Variants in FSHR observed in about 807,000 individuals in gnomAD.
The protein encoded by FSHR is follicle-stimulating hormone receptor.
In FSHR, 46 loss-of-function variants were observed where a neutral mutation model predicts 52.1. The ratio of observed to expected loss-of-function variants is 0.88; its 90% CI spans 0.70 to 1.13. The LOEUF (loss-of-function observed/expected upper bound fraction) is 1.13. Ranked by LOEUF, FSHR falls within the 50% of genes most tolerant of loss-of-function variation. FSHR has a pLI of 0.00. For synonymous variants in FSHR, 399 were observed against 309.6 expected (o/e 1.29, Z -3.03); for missense variants, 964 against 834.6 (o/e 1.16, Z -1.91).
intron 4 of FSHR, among the ~76,000 whole-genome samples, chr2:49,002,154 G>A (rs1053207302): frequency 1.3e-5 from 2 of 152,112 alleles, no homozygotes; most frequent in African/African-American, 4.8e-5. Context: ...TGTAAGACTA[G>A]TTAATTAATA....
intron 1 of FSHR, among the ~76,000 whole-genome samples, chr2:49,122,412 T>C (rs956696948): frequency 6.6e-6 from 1 of 152,206 alleles, no homozygotes. Flanking sequence ...GCTTCCATGG[T>C]TACTACAGTC....
At chr2:49,025,020 C>A (rs1364767517) in intron 2 of FSHR, among the ~76,000 whole-genome samples, 1 of 152,154 alleles carries the variant, frequency 6.6e-6, no homozygotes, top group Non-Finnish European at 1.5e-5. Context: ...TGCTCCCAGT[C>A]AAATGTTTGC....
At chr2:49,004,359 C>G (rs1224762121) in intron 4 of FSHR, among the ~76,000 whole-genome samples, 1 of 152,192 alleles carries the variant, frequency 6.6e-6, no homozygotes, top group Non-Finnish European at 1.5e-5. Context: ...TCTGCAAGAT[C>G]TCAGCATTTG....
intron 2 of FSHR, among the ~76,000 whole-genome samples, chr2:49,055,152 T>A (rs190943288): frequency 3.3e-5 from 5 of 151,884 alleles, no homozygotes; most frequent in Admixed American, 6.6e-5. Flanking sequence ...AAACAACTCA[T>A]AACTTGAGTG....
chr2:49,015,050 T>C lies in FSHR; in HGVS notation c.374+2439A>G. On this transcript the variant is annotated intron_variant, in intron 4 of 9. Transcript: ENST00000406846. The stretch of plus-strand genomic sequence containing the variant: ...TATATTTCTATAGTTCTTTATAGTT[T>C]TTATATAAAAACAATTTGCAAAGTG... The C allele has an allele frequency of 9.6e-6, 3 of 311,936 alleles. No homozygotes were observed. The East Asian group carries it at 2.8e-4, about 29-fold the overall frequency. 19.3% of individuals were successfully genotyped at this position (311,936 alleles called of 1,614,324 possible). A position where few individuals can be genotyped will look rare whatever the true frequency, so the allele number is the denominator to read the frequency against.
At chr2:49,062,309 TG>T (rs1669341368) in intron 2 of FSHR, among the ~76,000 whole-genome samples, 1 of 152,092 alleles carries the variant, frequency 6.6e-6, no homozygotes, top group Non-Finnish European at 1.5e-5. Flanking sequence ...GAACGTTCAT[TG>T]GGGAAAGGAA....
At chr2:49,135,633 G>T (rs1558461398) in intron 1 of FSHR, among the ~76,000 whole-genome samples, 2 of 152,040 alleles carry the variant, frequency 1.3e-5, no homozygotes, top group Non-Finnish European at 2.9e-5. Context: ...GAACAATGTG[G>T]AGGTTAGGTT....
intron 1 of FSHR, among the ~76,000 whole-genome samples, chr2:49,124,564 T>C (rs552696929): frequency 6.6e-6 from 1 of 152,248 alleles, no homozygotes; most frequent in South Asian, 2.1e-4. Flanking sequence ...TTTTTTTCAA[T>C]TGTTCAGGTT....
At chr2:48,978,897 C>A (rs1012429075) in intron 8 of FSHR, among the ~76,000 whole-genome samples, 1 of 152,130 alleles carries the variant, frequency 6.6e-6, no homozygotes, top group Non-Finnish European at 1.5e-5. Context: ...TGAGTGTGTG[C>A]CCCTTAATTT....
intron 1 of FSHR, among the ~76,000 whole-genome samples, chr2:49,099,371 C>T (rs1340727576): frequency 6.6e-6 from 1 of 152,070 alleles, no homozygotes; most frequent in East Asian, 1.9e-4. Context: ...CATGCCTTTT[C>T]CCTTCCGCCA....
chr2:48,967,956 G>A (rs1051372886), intron 9 of FSHR, among the ~76,000 whole-genome samples: 5 of 152,234 alleles, frequency 3.3e-5, no homozygotes. Context: ...TGAGAGCTTT[G>A]AGAACTCTGA....
At position 49,122,115 on chromosome 2, in the gene FSHR, G is replaced by T. The variant is rs181617696; in HGVS notation, c.152+32151C>A. 2.7e-3 allele frequency among the ~76,000 whole-genome samples: 411 copies of T among 152,224 alleles called. 2 individuals carry two copies. The highest frequency in any genetic ancestry group is 9.3e-3 in the African/African-American group (385 of 41,536). On this transcript the variant is annotated intron_variant, in intron 1 of 9. Transcript: ENST00000406846. ...TGGTGCTTTCCAAATCCTGGCATTGGTGGTGAGAGAGGTGAACTTTTCCTT... is the reference window on the plus strand; with the variant it reads ...TGGTGCTTTCCAAATCCTGGCATTGTTGGTGAGAGAGGTGAACTTTTCCTT...
chr2:49,025,098 G>A (rs1252169685), intron 2 of FSHR, among the ~76,000 whole-genome samples: 2 of 152,178 alleles, frequency 1.3e-5, no homozygotes, highest in South Asian at 2.1e-4. Context: ...CAATAAAACC[G>A]TGTTCCTGAA....
At position 48,962,624 on chromosome 2, in the gene FSHR, T is replaced by C; in HGVS notation, c.*109A>G. ...ATTTACCTTAAAGGTATGCCAGGAA[T>C]ATTAAATTAGATGAAATGTGTAGAA... On this transcript the variant is annotated 3_prime_UTR_variant, in exon 10 of 10. Coordinates refer to ENST00000406846, the MANE Select transcript of FSHR (RefSeq NM_000145.4). The C allele has an allele frequency of 8.8e-7, 1 of 1,131,238 alleles. No individual in the cohort carries two copies. The highest frequency in any genetic ancestry group is 2.4e-5 in the East Asian group (1 of 41,124). The allele number at this position is 1,131,238 out of a possible 1,614,324, so 70.1% of individuals were successfully genotyped here.
At chr2:48,999,161 C>T (rs79685958) in intron 4 of FSHR, among the ~76,000 whole-genome samples, 103 of 152,110 alleles carry the variant, frequency 6.8e-4, no homozygotes, top group African/African-American at 2.4e-3. Flanking sequence ...CTATTCTGTT[C>T]TGGAAAGTAG....
chr2:48,996,607 C>G (rs1676033349), intron 4 of FSHR, among the ~76,000 whole-genome samples: 1 of 151,956 alleles, frequency 6.6e-6, no homozygotes, highest in South Asian at 2.1e-4. Flanking sequence ...CATGACATCA[C>G]CAAGAAAAAG....
At chr2:48,965,664 T>C (rs369007831) in intron 9 of FSHR, among the ~76,000 whole-genome samples, 423 of 152,354 alleles carry the variant, frequency 2.8e-3, no homozygotes, top group African/African-American at 9.7e-3. Context: ...CTTAACTCTC[T>C]AGAAACAGCC....
At chr2:49,130,224 G>A (rs1672214699) in intron 1 of FSHR, among the ~76,000 whole-genome samples, 1 of 152,168 alleles carries the variant, frequency 6.6e-6, no homozygotes, top group South Asian at 2.1e-4. Context: ...GTACAAGAAA[G>A]CACTTAGAGC....
chr2:48,994,310 T>C (rs1675922214), intron 4 of FSHR, among the ~76,000 whole-genome samples: 1 of 152,186 alleles, frequency 6.6e-6, no homozygotes, highest in Admixed American at 6.5e-5. Flanking sequence ...AATAATAAAG[T>C]TATGAGTGCA....
Sources: gnomAD v4.1 joint callset for allele counts (sites outside exome capture counted in the v4.1 genomes callset) on GRCh38, gnomAD v4.1.1 for gene constraint, MANE v1.5 for transcripts, NCBI Gene and HGNC (gene_info 2026-07-23, HGNC 2026-07-21) for gene names.